Variants in SPPL2B observed in about 807,000 individuals in gnomAD.
SPPL2B encodes the protein signal peptide peptidase like 2B, also known as signal peptide peptidase-like 2B.
SPPL2B carries 39 observed loss-of-function variants against 59.7 expected under a neutral mutation model. That is an observed-to-expected ratio of 0.65 (90% CI 0.51 to 0.85). The LOEUF is 0.85. Ranked by LOEUF, SPPL2B falls within the 40% of genes least tolerant of loss-of-function variation. SPPL2B has a pLI of 0.00. For missense variants in SPPL2B, 865 were observed against 849.0 expected (o/e 1.02, Z -0.23); for synonymous variants, 419 against 370.8 (o/e 1.13, Z -1.49).
intron 1 of SPPL2B, among the ~76,000 whole-genome samples, chr19:2,333,673 C>G (rs1352136291): frequency 2.6e-5 from 4 of 152,368 alleles, no homozygotes; most frequent in Middle Eastern, 6.8e-3. Context: ...GGCGCGGTGG[C>G]CACCACCCCT....
intron 12 of SPPL2B, 126 bp downstream of exon 12, chr19:2,344,778 C>T (rs1008066546): frequency 1.7e-5 from 12 of 705,238 alleles, no homozygotes; most frequent in Middle Eastern, 3.7e-4. Context: ...GGGTCAGAGT[C>T]GGGCAGGTTG....
At chr19:2,340,561 G>A (rs1300522333) in intron 7 of SPPL2B, 1 of 563,362 alleles carries the variant, frequency 1.8e-6, no homozygotes, top group African/African-American at 1.9e-5. Flanking sequence ...CTGGGTCTAG[G>A]AAGCGGGGCT....
intron 1 of SPPL2B, chr19:2,330,739 C>G (rs905736503): frequency 4.6e-5 from 7 of 152,454 alleles, no homozygotes; most frequent in African/African-American, 1.7e-4. Flanking sequence ...GCCTCCTAGT[C>G]TGGATGACAG....
At position 2,339,082 on chromosome 19, in the gene SPPL2B, C is replaced by G. The variant is rs541850390; in HGVS notation, c.473C>G (p.Thr158Arg). The G allele has an allele frequency of 1.3e-6, 2 of 1,560,928 alleles. No homozygotes were observed. Among genetic ancestry groups the G allele is most frequent in the Non-Finnish European group, 1.7e-6 (2 of 1,152,726 alleles). Reference protein sequence around the residue: ...MLDIFTRFGRTVRAALYAPKE... With the variant: ...MLDIFTRFGRRVRAALYAPKE... ...TCCTTGAGGCAGCGTTTCGGCCGCACGGTGAGGGCGGCGCTGTATGCGCCT... is the reference window on the plus strand; with the variant it reads ...TCCTTGAGGCAGCGTTTCGGCCGCAGGGTGAGGGCGGCGCTGTATGCGCCT... The change falls in exon 5 of 15, where the codon ACG (threonine) becomes AGG (arginine). Residue 158 changes from threonine to arginine, a missense_variant. Thr to Arg is a moderately conservative substitution (Grantham distance 71, BLOSUM62 -1). Coordinates refer to ENST00000613503, the MANE Select transcript of SPPL2B (RefSeq NM_152988.3).
Position 2,351,496 on chromosome 19 carries a change from G to A in SPPL2B, c.1417G>A (p.Ala473Thr), listed in dbSNP as rs763199424. Residue 473 changes from alanine to threonine, a missense_variant, in exon 14 of 15, where the codon GCT (alanine) becomes ACT (threonine). Coordinates refer to ENST00000613503, the MANE Select transcript of SPPL2B (RefSeq NM_152988.3). ...GGCCCTGATGCAGCGTGGCCAGCCC[G>A]CTCTCCTCTACCTGGTGCCCTGCAC... ...ALALMQRGQP[A>T]LLYLVPCTLV... 8.7e-6 allele frequency: 14 copies of A among 1,610,376 alleles called. No homozygotes were observed. Among genetic ancestry groups the A allele is most frequent in the East Asian group, 2.2e-5 (1 of 44,866 alleles).
chr19:2,339,471 G>C (rs1002479511), intron 5 of SPPL2B, among the ~76,000 whole-genome samples: 1 of 152,210 alleles, frequency 6.6e-6, no homozygotes. Flanking sequence ...TGCAGGGCTG[G>C]GCAGGTGGCT....
intron 13 of SPPL2B, among the ~76,000 whole-genome samples, chr19:2,348,034 C>G (rs1306154854): frequency 3.7e-5 from 3 of 81,256 alleles, no homozygotes; most frequent in Non-Finnish European, 7.4e-5. Context: ...CCTCCACACA[C>G]AGACTCACGC....
chr19:2,338,475 G>A (rs1234728639), intron 3 of SPPL2B: 3 of 380,712 alleles, frequency 7.9e-6, no homozygotes, highest in African/African-American at 2.1e-5. Context: ...TTGTATGTGC[G>A]GTTCGGGAGT....
Position 2,354,522 on chromosome 19 carries a change from A to G in SPPL2B, c.*1313A>G, listed in dbSNP as rs1350088498. 6.6e-6 allele frequency: 1 copy of G among 152,260 alleles called. No individual in the cohort carries two copies. The highest frequency in any genetic ancestry group is 1.5e-5 in the Non-Finnish European group (1 of 68,106). The allele number at this position is 152,260 out of a possible 1,614,324, so 9.4% of individuals were successfully genotyped here. A position where few individuals can be genotyped will look rare whatever the true frequency, so the allele number is the denominator to read the frequency against. ...TCAAGTCAGTCGTCCCCAGCTGCAC[A>G]CGGGGACTGCTGAGCGCTGCGCTCT... On this transcript the variant is annotated 3_prime_UTR_variant, in exon 15 of 15. Coordinates refer to ENST00000613503, the MANE Select transcript of SPPL2B (RefSeq NM_152988.3).
chr19:2,338,907 C>T, intron 4 of SPPL2B, 66 bp downstream of exon 4: 1 of 1,550,024 alleles, frequency 6.5e-7, no homozygotes, highest in Non-Finnish European at 8.8e-7. Flanking sequence ...GGGCTGGCTG[C>T]CGGGGGGGTT....
At chr19:2,337,687 CAG>C in intron 3 of SPPL2B, 62 bp downstream of exon 3, 1 of 1,439,988 alleles carries the variant, frequency 6.9e-7, no homozygotes, top group Non-Finnish European at 9.2e-7. Context: ...GTGCAGGAGG[CAG>C]AGATGGCAGC....
At chr19:2,337,260 G>T (rs1036292470) in intron 2 of SPPL2B, 183 bp from the exon 3 acceptor site, 6 of 530,068 alleles carry the variant, frequency 1.1e-5, no homozygotes, top group Non-Finnish European at 1.9e-5. Context: ...CCAGCCCGTC[G>T]CCCAGGGTCC....
At chr19:2,351,795 C>T (rs990710056) in intron 14 of SPPL2B, 19 of 250,038 alleles carry the variant, frequency 7.6e-5, no homozygotes, top group African/African-American at 4.3e-4. Context: ...GGGTGGGATG[C>T]GGGGGTGCCA....
chr19:2,340,408 C>T, intron 7 of SPPL2B: 2 of 631,622 alleles, frequency 3.2e-6, no homozygotes, highest in Non-Finnish European at 5.7e-6. Flanking sequence ...CCCTTGTCCC[C>T]AGGAACCCTG....
At chr19:2,351,693 G>T (rs2145211321) in intron 14 of SPPL2B, 99 bp downstream of exon 14, 10 of 1,483,786 alleles carry the variant, frequency 6.7e-6, no homozygotes, top group Middle Eastern at 1.8e-4. Context: ...CAGCCCTGCG[G>T]CCGCGACGGG....
chr19:2,347,861 TCA>T lies in SPPL2B; in HGVS notation c.1354+2532_1354+2533del, dbSNP rs1301468504. Among the ~76,000 whole-genome samples, 6 of 35,132 alleles carry T rather than the reference TCA, an allele frequency of 1.7e-4. 1 individual carries two copies. Among genetic ancestry groups the T allele is most frequent in the Non-Finnish European group, 1.2e-4 (2 of 16,398 alleles). The allele number at this position is 35,132 out of a possible 152,430, so 23.0% of individuals were successfully genotyped here. On this transcript the variant is annotated intron_variant, in intron 13 of 14. Coordinates refer to ENST00000613503, the MANE Select transcript of SPPL2B (RefSeq NM_152988.3). ...GTTCTCTCTCCACACACACACACTCTCATTCGCCTGATTCCGTTCTCTCTCCA... is the reference window on the plus strand; with the variant it reads ...GTTCTCTCTCCACACACACACACTCTTTCGCCTGATTCCGTTCTCTCTCCA...
At chr19:2,349,754 T>TC (rs1969777391) in intron 13 of SPPL2B, among the ~76,000 whole-genome samples, 11 of 117,232 alleles carry the variant, frequency 9.4e-5, no homozygotes, top group African/African-American at 4.3e-4. Context: ...TCCACACACA[T>TC]GCGCTCTCAT....
Position 2,332,523 on chromosome 19 carries a change from C to T in SPPL2B, c.67-2079C>T, listed in dbSNP as rs1417222217. ...TCCGTTCAGACATGTGGCTGCCATC[C>T]TGTTCCTGATGAGGCAAATGGCTGT... On this transcript the variant is annotated intron_variant, in intron 1 of 14. Coordinates refer to ENST00000613503, the MANE Select transcript of SPPL2B (RefSeq NM_152988.3). This position sits in a 1 kb window ranked among gnomAD's most constrained non-coding sequence, Gnocchi z 4.6. 6.6e-6 allele frequency among the ~76,000 whole-genome samples: 1 copy of T among 152,232 alleles called. No individual in the cohort carries two copies. The highest frequency in any genetic ancestry group is 1.9e-4 in the East Asian group (1 of 5,202).
chr19:2,343,468 C>T (rs1345592945), intron 9 of SPPL2B, among the ~76,000 whole-genome samples, 176 bp downstream of exon 9: 1 of 152,186 alleles, frequency 6.6e-6, no homozygotes, highest in Non-Finnish European at 1.5e-5. Flanking sequence ...CCCAAAGCCC[C>T]CGCTGAGGCG....
Sources: gnomAD v4.1 joint callset for allele counts (sites outside exome capture counted in the v4.1 genomes callset) on GRCh38, gnomAD v4.1.1 for gene constraint, Gnocchi (gnomAD v3.1) non-coding constraint, MANE v1.5 for transcripts, NCBI Gene and HGNC (gene_info 2026-07-23, HGNC 2026-07-21) for gene names.